GAS7: variants seen among roughly 807,000 people sequenced by gnomAD.
The protein encoded by GAS7 is growth arrest-specific protein 7.
A neutral mutation model predicts 71.1 loss-of-function variants in GAS7; 28 were observed. The observed-to-expected ratio is 0.39, with a 90% CI of 0.29 to 0.54. The LOEUF is 0.54. Among genes scored for constraint, GAS7 ranks in the 20% least tolerant of loss-of-function variants. GAS7 has a pLI of 0.62. For missense variants in GAS7, 436 were observed against 627.8 expected (o/e 0.69, Z 3.27); for synonymous variants, 258 against 245.8 (o/e 1.05, Z -0.46).
intron 1 of GAS7, among the ~76,000 whole-genome samples, chr17:10,126,344 TCATACAC>T (rs980125905): frequency 2.3e-5 from 3 of 128,590 alleles, no homozygotes; most frequent in Non-Finnish European, 3.3e-5. Context: ...ACACACACAC[TCATACAC>T]TCACACACAC....
chr17:9,918,631 G>A (rs1234906874), intron 12 of GAS7, among the ~76,000 whole-genome samples: 2 of 152,220 alleles, frequency 1.3e-5, no homozygotes, highest in Admixed American at 6.5e-5. Context: ...CCTCTGCTGA[G>A]CAGCCTCCCT....
rs1012935220 is a variant in GAS7, at chr17:9,974,006, T to A, written c.386-4244A>T. On this transcript the variant is annotated intron_variant, in intron 3 of 13. Transcript: ENST00000432992. This position sits in a 1 kb window ranked among gnomAD's most constrained non-coding sequence, Gnocchi z 4.0. ...TCCCTCCCCAGACCCTCCAAATGCA[T>A]GCCCAGGTCCTGCCTCTCCTCTGCC... Among the ~76,000 whole-genome samples the A allele has an allele frequency of 6.6e-6, 1 of 152,068 alleles. No individual in the cohort carries two copies. The highest frequency in any genetic ancestry group is 2.4e-5 in the African/African-American group (1 of 41,412).
intron 2 of GAS7, among the ~76,000 whole-genome samples, chr17:10,013,138 C>T (rs974236104): frequency 1.3e-5 from 2 of 151,812 alleles, no homozygotes; most frequent in Non-Finnish European, 2.9e-5. Context: ...AAAGAGAAAC[C>T]CAGAGGATCT....
At chr17:10,158,717 C>G (rs1396468779) in intron 1 of GAS7, among the ~76,000 whole-genome samples, 3 of 151,826 alleles carry the variant, frequency 2.0e-5, no homozygotes, top group Non-Finnish European at 4.4e-5. Context: ...ATTCTTGCAA[C>G]TCTTCAAATT....
intron 1 of GAS7, among the ~76,000 whole-genome samples, chr17:10,132,440 C>T (rs1225881143): frequency 6.6e-6 from 1 of 152,194 alleles, no homozygotes; most frequent in South Asian, 2.1e-4. Context: ...TGTGGTATCA[C>T]ATTTAAAGAA....
intron 1 of GAS7, among the ~76,000 whole-genome samples, chr17:10,137,577 T>C (rs1289310892): frequency 2.0e-5 from 3 of 152,048 alleles, no homozygotes; most frequent in Non-Finnish European, 4.4e-5. Flanking sequence ...TTCACTCTTG[T>C]TGCCCAAGCT....
At chr17:10,177,320 G>C (rs1175001138) in intron 1 of GAS7, among the ~76,000 whole-genome samples, 1 of 152,168 alleles carries the variant, frequency 6.6e-6, no homozygotes, top group Non-Finnish European at 1.5e-5. Context: ...CTCCCCAGGA[G>C]AGGGAAAGTA....
At chr17:10,168,072 C>T (rs2074308730) in intron 1 of GAS7, among the ~76,000 whole-genome samples, 1 of 152,140 alleles carries the variant, frequency 6.6e-6, no homozygotes, top group Admixed American at 6.5e-5. Context: ...TCTCAGCTTC[C>T]AAGCAGCTGG....
intron 1 of GAS7, among the ~76,000 whole-genome samples, chr17:10,183,855 A>G (rs1019786275): frequency 2.0e-5 from 3 of 151,908 alleles, no homozygotes; most frequent in African/African-American, 7.3e-5. Context: ...AAAAAAAAAA[A>G]AAGATTCTGC....
At chr17:10,189,208 G>A (rs1462055281) in intron 1 of GAS7, among the ~76,000 whole-genome samples, 2 of 152,076 alleles carry the variant, frequency 1.3e-5, no homozygotes, top group East Asian at 1.9e-4. Flanking sequence ...ACCCCCTGAG[G>A]TTCCCTTACT....
In GAS7 at chr17:9,919,819, C is replaced by T; in HGVS notation, c.1139-114G>A. 1 of 795,938 alleles carries T rather than the reference C, an allele frequency of 1.3e-6. No homozygotes were observed. The highest frequency in any genetic ancestry group is 2.2e-6 in the Non-Finnish European group (1 of 453,248). 49.3% of individuals were successfully genotyped at this position (795,938 alleles called of 1,614,324 possible). On this transcript the variant is annotated intron_variant, in intron 11 of 13. Transcript: ENST00000432992. This position sits in a 1 kb window ranked among gnomAD's most constrained non-coding sequence, Gnocchi z 5.0. ...CCTCCCCCTGGGGTCATGGTGGCCG[C>T]TGGAAAGCTGGAAAAGGGATGGCAG...
intron 1 of GAS7, among the ~76,000 whole-genome samples, chr17:10,182,169 TGGTGTGTGTGAC>T (rs1486667153): frequency 6.6e-6 from 1 of 152,210 alleles, no homozygotes. Context: ...CCCTTACTTT[TGGTGTGTGTGAC>T]GGAGTTTCAC....
intron 1 of GAS7, among the ~76,000 whole-genome samples, chr17:10,098,832 A>G (rs1429375096): frequency 6.6e-6 from 1 of 152,046 alleles, no homozygotes; most frequent in Non-Finnish European, 1.5e-5. Context: ...GGTGGCGGGC[A>G]CCTGTAGTCC....
chr17:10,136,377 T>C (rs1015512970), intron 1 of GAS7, among the ~76,000 whole-genome samples: 2 of 152,220 alleles, frequency 1.3e-5, no homozygotes, highest in African/African-American at 4.8e-5. Context: ...TTTGGAGAGT[T>C]GCTGGGGCTA....
At chr17:9,927,583 TCTCC>T (rs771519285) in intron 9 of GAS7, among the ~76,000 whole-genome samples, 4 of 152,110 alleles carry the variant, frequency 2.6e-5, no homozygotes, top group Non-Finnish European at 5.9e-5. Flanking sequence ...CTTATGTCTC[TCTCC>T]CTTATTTTCC....
chr17:10,131,698 C>T (rs1163783936), intron 1 of GAS7, among the ~76,000 whole-genome samples: 1 of 152,176 alleles, frequency 6.6e-6, no homozygotes, highest in African/African-American at 2.4e-5. Context: ...TACTCATGAA[C>T]ATATAACATG....
intron 1 of GAS7, among the ~76,000 whole-genome samples, chr17:10,129,573 A>G (rs2142085313): frequency 6.6e-6 from 1 of 152,280 alleles, no homozygotes; most frequent in Middle Eastern, 3.4e-3. Context: ...ATAGGTGTAA[A>G]TCTTCATGAC....
At chr17:10,163,843 T>G (rs371395740) in intron 1 of GAS7, among the ~76,000 whole-genome samples, 2 of 152,194 alleles carry the variant, frequency 1.3e-5, no homozygotes, top group East Asian at 3.9e-4. Context: ...GTTACTCCAG[T>G]CCTCACCTGT....
intron 1 of GAS7, among the ~76,000 whole-genome samples, chr17:10,173,093 C>T (rs2074347270): frequency 6.6e-6 from 1 of 152,226 alleles, no homozygotes; most frequent in Non-Finnish European, 1.5e-5. Flanking sequence ...TCCACCCATT[C>T]TGATTCCATT....
Sources: allele counts gnomAD v4.1 joint callset (sites outside exome capture counted in the v4.1 genomes callset), GRCh38; gene constraint gnomAD v4.1.1; non-coding constraint Gnocchi (gnomAD v3.1); transcripts MANE v1.5; gene names NCBI Gene and HGNC (gene_info 2026-07-23, HGNC 2026-07-21).